LPCAT1: variants seen among roughly 807,000 people sequenced by gnomAD.
LPCAT1 encodes 1-acylglycerol-3-phosphate O-acyltransferase.
Under a neutral mutation model 60.9 loss-of-function variants are expected in LPCAT1, and 23 were observed. The observed-to-expected ratio is 0.38, with a 90% CI of 0.27 to 0.53. The LOEUF (loss-of-function observed/expected upper bound fraction) is 0.53, where lower values mean the gene tolerates loss of function less well. Among genes scored for constraint, LPCAT1 ranks in the 20% least tolerant of loss-of-function variants. The pLI, the probability that LPCAT1 is intolerant of heterozygous loss-of-function variation, is 0.82. For missense variants in LPCAT1, 622 were observed against 723.6 expected, an observed-to-expected ratio of 0.86 and a Z score of 1.61; for synonymous variants, 340 against 301.1, an observed-to-expected ratio of 1.13 and a Z score of -1.34.
At chr5:1,491,226 G>C (rs1391494168) in intron 3 of LPCAT1, among the ~76,000 whole-genome samples, 2 of 152,172 alleles carry the variant, frequency 1.3e-5, no homozygotes, top group East Asian at 1.9e-4. Flanking sequence ...TATCGGAAGG[G>C]AAGAATGGCG....
At chr5:1,472,967 CCT>C (rs952315485) in intron 11 of LPCAT1, among the ~76,000 whole-genome samples, 3 of 152,090 alleles carry the variant, frequency 2.0e-5, no homozygotes, top group Middle Eastern at 3.2e-3. Flanking sequence ...GCCTCCTTCC[CCT>C]GTCCTGGGTG....
At chr5:1,465,520 CACA>C (rs1270024772) in intron 13 of LPCAT1, among the ~76,000 whole-genome samples, 7 of 151,860 alleles carry the variant, frequency 4.6e-5, no homozygotes, top group Non-Finnish European at 8.8e-5. Context: ...TGTGCACACA[CACA>C]AAACAAGCAC....
At position 1,521,229 on chromosome 5, in the gene LPCAT1, T is replaced by C. The variant is rs952028471; in HGVS notation, c.135+2481A>G. 22 of 579,368 alleles carry C rather than the reference T, an allele frequency of 3.8e-5. No homozygotes were observed. The highest frequency in any genetic ancestry group is 1.0e-4 in the African/African-American group (5 of 49,108). The allele number at this position is 579,368 out of a possible 1,614,324, so 35.9% of individuals were successfully genotyped here. ...ATACTTAAGCTCCTCACTAAATCTG[T>C]AGTTAAATGACAGATGGGCTGGCTG... On this transcript the variant is annotated intron_variant, in intron 1 of 13. Transcript: ENST00000283415. The surrounding 1 kb of genome is among the most constrained non-coding windows in gnomAD (Gnocchi z 4.3).
chr5:1,503,293 C>T (rs1248997842), intron 1 of LPCAT1, among the ~76,000 whole-genome samples: 2 of 152,256 alleles, frequency 1.3e-5, no homozygotes, highest in Admixed American at 1.3e-4. Flanking sequence ...GTCACTGTTC[C>T]ACATCGTGTT....
intron 1 of LPCAT1, among the ~76,000 whole-genome samples, chr5:1,515,359 C>G (rs1050614093): frequency 1.1e-4 from 16 of 151,942 alleles, no homozygotes; most frequent in African/African-American, 3.9e-4. Context: ...AGCCCCCCAG[C>G]ACATCCTGGC....
Position 1,523,502 on chromosome 5 carries a change from CG to C in LPCAT1, c.135+207del, listed in dbSNP as rs1736738342. On this transcript the variant is annotated intron_variant, in intron 1 of 13. Coordinates refer to ENST00000283415, the MANE Select transcript of LPCAT1 (RefSeq NM_024830.5). This position sits in a 1 kb window ranked among gnomAD's most constrained non-coding sequence, Gnocchi z 7.1. ...GGGACCAGGATGCGCGTGCGGGCGG[CG>C]GGAAGCCGGCGCCGAGACCGAGGCA... Among the ~76,000 whole-genome samples the C allele has an allele frequency of 6.6e-6, 1 of 151,118 alleles. No individual in the cohort carries two copies.
intron 1 of LPCAT1, among the ~76,000 whole-genome samples, chr5:1,507,484 G>A (rs558445061): frequency 6.6e-6 from 1 of 152,360 alleles, no homozygotes; most frequent in South Asian, 2.1e-4. Flanking sequence ...GCTTTGGTGC[G>A]GACTGCGGCC....
At chr5:1,503,649 G>A (rs1485246315) in intron 1 of LPCAT1, among the ~76,000 whole-genome samples, 4 of 152,160 alleles carry the variant, frequency 2.6e-5, no homozygotes, top group East Asian at 1.9e-4. Context: ...TCGTGCAGTC[G>A]CCCTACGAAA....
In LPCAT1 at chr5:1,477,898, C is replaced by A. The variant is rs1413164085; in HGVS notation, c.817-412G>T. 7.8e-6 allele frequency among the ~76,000 whole-genome samples: 1 copy of A among 128,790 alleles called. No homozygotes were observed. The highest frequency in any genetic ancestry group is 3.0e-4 in the South Asian group (1 of 3,342). 84.5% of individuals were successfully genotyped at this position (128,790 alleles called of 152,430 possible). A position where few individuals can be genotyped will look rare whatever the true frequency, so the allele number is the denominator to read the frequency against. Reference sequence around the variant, plus strand: ...CATCTGGCTCTCTGATCTACACTCACCCCCGTCAGTGCTCCTGGGAGCGCC... The same window carrying A: ...CATCTGGCTCTCTGATCTACACTCAACCCCGTCAGTGCTCCTGGGAGCGCC... On this transcript the variant is annotated intron_variant, in intron 8 of 13. Transcript: ENST00000283415. The surrounding 1 kb of genome is among the most constrained non-coding windows in gnomAD (Gnocchi z 6.0).
At chr5:1,519,288 T>C (rs575818906) in intron 1 of LPCAT1, among the ~76,000 whole-genome samples, 1 of 152,396 alleles carries the variant, frequency 6.6e-6, no homozygotes, top group South Asian at 2.1e-4. Context: ...CTCGCATGTA[T>C]ATGCCTGTGT....
intron 1 of LPCAT1, among the ~76,000 whole-genome samples, chr5:1,508,927 T>C (rs781561730): frequency 9.2e-5 from 14 of 152,262 alleles, no homozygotes; most frequent in Non-Finnish European, 1.8e-4. Flanking sequence ...CAATCAGTGC[T>C]GAACTCAAAG....
chr5:1,474,424 G>T, intron 10 of LPCAT1, 136 bp downstream of exon 10: 1 of 1,229,568 alleles, frequency 8.1e-7, no homozygotes, highest in Non-Finnish European at 1.1e-6. Context: ...GTGGGCTTAA[G>T]TTGATATTTG....
intron 3 of LPCAT1, among the ~76,000 whole-genome samples, chr5:1,493,775 G>A (rs1023146524): frequency 3.3e-5 from 5 of 152,242 alleles, no homozygotes; most frequent in South Asian, 2.1e-4. Flanking sequence ...CATGGGATGC[G>A]GCCCCCAAAG....
At chr5:1,465,832 G>C (rs1374351477) in intron 13 of LPCAT1, among the ~76,000 whole-genome samples, 7 of 150,812 alleles carry the variant, frequency 4.6e-5, no homozygotes, top group Non-Finnish European at 1.5e-5. Context: ...ACACACGTAT[G>C]CACACGCACG....
At chr5:1,475,893 G>A (rs925559249) in intron 9 of LPCAT1, among the ~76,000 whole-genome samples, 7 of 151,732 alleles carry the variant, frequency 4.6e-5, no homozygotes, top group South Asian at 2.1e-4. Context: ...CACAGGCCCC[G>A]CCCAGGCCCA....
intron 1 of LPCAT1, among the ~76,000 whole-genome samples, chr5:1,516,778 C>G (rs1736518212): frequency 1.3e-5 from 2 of 152,324 alleles, no homozygotes; most frequent in South Asian, 4.1e-4. Context: ...CCCACCCCAG[C>G]AGTGTCTCCC....
rs558974707 is a variant in LPCAT1 at position 1,467,239 on chromosome 5, C to T, written c.1279-349G>A. 9.6e-5 allele frequency: 25 copies of T among 259,632 alleles called. No homozygotes were observed. The East Asian group carries it at 1.5e-3, about 16-fold the overall frequency. 16.1% of individuals were successfully genotyped at this position (259,632 alleles called of 1,614,324 possible). A position where few individuals can be genotyped will look rare whatever the true frequency, so the allele number is the denominator to read the frequency against. On this transcript the variant is annotated intron_variant, in intron 12 of 13. Coordinates refer to ENST00000283415, the MANE Select transcript of LPCAT1 (RefSeq NM_024830.5). ...CTGCCTGGGCCACGGGCGAGCGCGG[C>T]GCAAGCTTGGGCTGCAGAGTTCCCC...
intron 3 of LPCAT1, among the ~76,000 whole-genome samples, chr5:1,493,231 G>A (rs1735656999): frequency 6.6e-6 from 1 of 152,218 alleles, no homozygotes; most frequent in Non-Finnish European, 1.5e-5. Flanking sequence ...CCTGACCCAG[G>A]CAGACTCAGG....
rs535718513 is a variant in LPCAT1 at position 1,493,887 on chromosome 5, G to A, written c.493+813C>T. Among the ~76,000 whole-genome samples the A allele has an allele frequency of 2.6e-5, 4 of 152,334 alleles. No homozygotes were observed. The South Asian group carries it at 6.2e-4, about 24-fold the overall frequency. On this transcript the variant is annotated intron_variant, in intron 3 of 13. Transcript: ENST00000283415. ...AAGGATCTCAAGATGAGAGCATCCT[G>A]GATCACCCAATGACTGGTCCTTATA...
Sources: allele counts gnomAD v4.1 joint callset (sites outside exome capture counted in the v4.1 genomes callset), GRCh38; gene constraint gnomAD v4.1.1; non-coding constraint Gnocchi (gnomAD v3.1); transcripts MANE v1.5; gene names NCBI Gene and HGNC (gene_info 2026-07-23, HGNC 2026-07-21).